DIAPH3: variants seen among roughly 807,000 people sequenced by gnomAD.
DIAPH3 encodes the protein diaphanous related formin 3.
In DIAPH3, 117 loss-of-function variants were observed where a neutral mutation model predicts 144.3. That is an observed-to-expected ratio of 0.81 (90% CI 0.70 to 0.95). DIAPH3 has a LOEUF of 0.95. Among genes scored for constraint, DIAPH3 ranks in the 40% least tolerant of loss-of-function variants. DIAPH3 has a pLI of 0.00. For missense variants in DIAPH3, 1,421 were observed against 1,412.7 expected (o/e 1.01, Z -0.09); for synonymous variants, 519 against 488.9 (o/e 1.06, Z -0.81).
At chr13:59,868,514 C>T (rs941727142) in intron 21 of DIAPH3, among the ~76,000 whole-genome samples, 1 of 152,114 alleles carries the variant, frequency 6.6e-6, no homozygotes, top group Admixed American at 6.6e-5. Context: ...CTGTTGTAAA[C>T]ATTTTACATT....
intron 22 of DIAPH3, among the ~76,000 whole-genome samples, chr13:59,851,635 C>CTTTTTTT (rs200870976): frequency 8.9e-6 from 1 of 112,390 alleles, no homozygotes; most frequent in Admixed American, 9.7e-5. Flanking sequence ...ATAGATGAAT[C>CTTTTTTT]TTTTTTTTTT....
intron 27 of DIAPH3, among the ~76,000 whole-genome samples, chr13:59,759,377 A>G (rs1049954432): frequency 1.3e-5 from 2 of 152,186 alleles, no homozygotes; most frequent in African/African-American, 4.8e-5. Context: ...TTAAAAAATT[A>G]TTCTCAGAAC....
intron 21 of DIAPH3, among the ~76,000 whole-genome samples, chr13:59,872,391 G>T (rs1173746767): frequency 6.6e-6 from 1 of 152,018 alleles, no homozygotes; most frequent in Non-Finnish European, 1.5e-5. Flanking sequence ...CAAAACACAC[G>T]CCTGGTATAT....
At chr13:60,079,769 T>A (rs1430781997) in intron 4 of DIAPH3, among the ~76,000 whole-genome samples, 2 of 151,988 alleles carry the variant, frequency 1.3e-5, no homozygotes. Flanking sequence ...GGGAAAAATA[T>A]TATATGTGTT....
intron 27 of DIAPH3, among the ~76,000 whole-genome samples, chr13:59,718,434 C>A (rs977297703): frequency 6.6e-6 from 1 of 152,104 alleles, no homozygotes. Context: ...TTAATCAAGG[C>A]AAATCATTAT....
chr13:60,042,842 G>T, intron 4 of DIAPH3, 22 bp from the exon 5 acceptor site: 1 of 1,611,336 alleles, frequency 6.2e-7, no homozygotes, highest in Non-Finnish European at 8.5e-7. Flanking sequence ...GTCAAAAAAT[G>T]TTTTGATTAA....
At chr13:60,160,472 T>C (rs1283106465) in intron 1 of DIAPH3, among the ~76,000 whole-genome samples, 1 of 152,214 alleles carries the variant, frequency 6.6e-6, no homozygotes, top group East Asian at 1.9e-4. Flanking sequence ...AGAAGCCACA[T>C]GTCCTGCTCT....
At chr13:59,698,923 T>C (rs1463016112) in intron 27 of DIAPH3, among the ~76,000 whole-genome samples, 1 of 152,216 alleles carries the variant, frequency 6.6e-6, no homozygotes, top group Non-Finnish European at 1.5e-5. Context: ...CCTCTCTCCT[T>C]TTTGGTATTA....
chr13:59,743,337 T>C (rs537489711), intron 27 of DIAPH3, among the ~76,000 whole-genome samples: 6 of 152,098 alleles, frequency 3.9e-5, no homozygotes, highest in Non-Finnish European at 7.4e-5. Flanking sequence ...CTTAAGGAGA[T>C]AGAATAAATC....
Position 59,774,779 on chromosome 13 carries a change from G to C in DIAPH3, c.3208C>G (p.Gln1070Glu), listed in dbSNP as rs757495408. 4 of 1,614,012 alleles carry C rather than the reference G, an allele frequency of 2.5e-6. No individual in the cohort carries two copies. The South Asian group carries it at 4.4e-5, about 18-fold the overall frequency. Reference sequence around the variant, plus strand: ...CTGTCGCGGAAGGCAGCCCCGGACTGCAAGGCCTCCAGCAGATTATCCATC... The same window carrying C: ...CTGTCGCGGAAGGCAGCCCCGGACTCCAAGGCCTCCAGCAGATTATCCATC... The part of the protein sequence containing the change: ...GVMDNLLEAL[Q>E]SGAAFRDRRK... The change falls in exon 26 of 28, where the codon CAG becomes GAG. Residue 1070 changes from glutamine (Q) to glutamate (E), a missense_variant. By Grantham distance (29) the Gln-to-Glu change is conservative (BLOSUM62 2). Coordinates refer to ENST00000400324, the MANE Select transcript of DIAPH3 (RefSeq NM_001042517.2).
At chr13:59,988,597 G>A (rs1390992881) in intron 12 of DIAPH3, among the ~76,000 whole-genome samples, 1 of 151,762 alleles carries the variant, frequency 6.6e-6, no homozygotes, top group African/African-American at 2.4e-5. Flanking sequence ...TGTCAATCTA[G>A]AAAATAATCT....
chr13:59,757,622 G>A (rs530070957), intron 27 of DIAPH3, among the ~76,000 whole-genome samples: 2 of 151,762 alleles, frequency 1.3e-5, no homozygotes, highest in African/African-American at 2.4e-5. Context: ...GGTTGGTCTC[G>A]ATCTCCTGAC....
At chr13:60,053,593 T>C (rs1038193821) in intron 4 of DIAPH3, among the ~76,000 whole-genome samples, 1 of 152,086 alleles carries the variant, frequency 6.6e-6, no homozygotes, top group South Asian at 2.1e-4. Flanking sequence ...TTACAGGTAA[T>C]AGTAACCCTC....
Position 59,992,476 on chromosome 13 carries a change from C to A in DIAPH3, c.1122G>T (p.Leu374Phe). Residue 374 changes from leucine (L) to phenylalanine (F), a missense_variant, in exon 10 of 28, where the codon TTG (leucine) becomes TTT (phenylalanine). Physicochemically the swap from Leu to Phe is conservative, Grantham distance 22 (BLOSUM62 0). Coordinates refer to ENST00000400324, the MANE Select transcript of DIAPH3 (RefSeq NM_001042517.2). ...EFMRCGLKEI[L>F]PNLKCIKNDG... is the part of the protein sequence containing the mutation. ...AAGGAGACTGCAGGGCACTTACTGG[C>A]AATATCTCTTTCAATCCACAACGCA... is the stretch of plus-strand genomic sequence containing the variant. The A allele has an allele frequency of 6.2e-7, 1 of 1,610,304 alleles. No individual in the cohort carries two copies. The highest frequency in any genetic ancestry group is 8.5e-7 in the Non-Finnish European group (1 of 1,177,980).
intron 4 of DIAPH3, among the ~76,000 whole-genome samples, chr13:60,067,940 T>A (rs2057037907): frequency 6.6e-6 from 1 of 152,178 alleles, no homozygotes; most frequent in Non-Finnish European, 1.5e-5. Context: ...CATATACACA[T>A]AGAGAATAAT....
intron 17 of DIAPH3, among the ~76,000 whole-genome samples, chr13:59,931,897 G>A (rs2048038021): frequency 6.6e-6 from 1 of 152,190 alleles, no homozygotes; most frequent in East Asian, 1.9e-4. Context: ...ACATACAGAT[G>A]TGGAGAAGAG....
At chr13:59,691,210 T>C (rs1372503001) in intron 27 of DIAPH3, among the ~76,000 whole-genome samples, 1 of 152,164 alleles carries the variant, frequency 6.6e-6, no homozygotes, top group Non-Finnish European at 1.5e-5. Context: ...TAATTTCTTA[T>C]CTTATCTTTT....
intron 5 of DIAPH3, among the ~76,000 whole-genome samples, chr13:60,040,120 G>A (rs888596015): frequency 1.3e-5 from 2 of 150,720 alleles, no homozygotes; most frequent in Non-Finnish European, 3.0e-5. Context: ...CCAGCTACTC[G>A]GGAGGCTGAG....
chr13:60,031,730 A>ATCTT (rs2054809399), intron 5 of DIAPH3, among the ~76,000 whole-genome samples: 1 of 65,878 alleles, frequency 1.5e-5, no homozygotes, highest in Non-Finnish European at 3.0e-5. Context: ...CAGTCATTAA[A>ATCTT]TCTTTTTTTT....
Sources: allele counts gnomAD v4.1 joint callset (sites outside exome capture counted in the v4.1 genomes callset), GRCh38; gene constraint gnomAD v4.1.1; transcripts MANE v1.5; gene names NCBI Gene and HGNC (gene_info 2026-07-23, HGNC 2026-07-21).